Variants in KCNAB1 observed in about 807,000 individuals in gnomAD.
KCNAB1 encodes potassium voltage-gated channel subfamily A regulatory beta subunit 1.
Under a neutral mutation model 64.6 loss-of-function variants are expected in KCNAB1, and 35 were observed. That is an observed-to-expected ratio of 0.54 (90% CI 0.41 to 0.72). The LOEUF is 0.72. Among genes scored for constraint, KCNAB1 ranks in the 30% least tolerant of loss-of-function variants. The probability of loss-of-function intolerance (pLI) is 0.00; values close to 1 mark genes in which losing one functional copy is unlikely to be tolerated. For synonymous variants in KCNAB1, 177 were observed against 183.8 expected (o/e 0.96, Z 0.30); for missense variants, 401 against 512.9 (o/e 0.78, Z 2.11).
At chr3:156,270,421 T>C (rs768360184) in intron 1 of KCNAB1, among the ~76,000 whole-genome samples, 1 of 152,198 alleles carries the variant, frequency 6.6e-6, no homozygotes, top group Non-Finnish European at 1.5e-5. Context: ...TGGTATGTTT[T>C]AATTTCTTGC....
At chr3:156,271,841 G>A (rs1011334363) in intron 1 of KCNAB1, among the ~76,000 whole-genome samples, 1 of 152,176 alleles carries the variant, frequency 6.6e-6, no homozygotes, top group African/African-American at 2.4e-5. Flanking sequence ...TTCTTGGGAA[G>A]GCTTTCCAGG....
chr3:156,350,954 C>T (rs899152863), intron 1 of KCNAB1, among the ~76,000 whole-genome samples: 9 of 152,212 alleles, frequency 5.9e-5, no homozygotes, highest in East Asian at 3.8e-4. Context: ...GCTGAGACAC[C>T]GTGTGTGAAA....
chr3:156,470,664 G>A (rs1713819569), intron 7 of KCNAB1, among the ~76,000 whole-genome samples: 1 of 152,160 alleles, frequency 6.6e-6, no homozygotes, highest in Admixed American at 6.5e-5. Flanking sequence ...AAACAATTTT[G>A]TTACACAATT....
chr3:156,196,864 A>C (rs1291478330), intron 1 of KCNAB1, among the ~76,000 whole-genome samples: 1 of 152,234 alleles, frequency 6.6e-6, no homozygotes, highest in Non-Finnish European at 1.5e-5. Flanking sequence ...GAGAGAGGGC[A>C]TCCCTGACTT....
At chr3:156,489,683 C>A (rs1426945732) in intron 8 of KCNAB1, among the ~76,000 whole-genome samples, 2 of 152,016 alleles carry the variant, frequency 1.3e-5, no homozygotes, top group African/African-American at 4.8e-5. Context: ...AACACAGAGA[C>A]AAAGAAACAG....
intron 8 of KCNAB1, among the ~76,000 whole-genome samples, chr3:156,485,587 A>T (rs548704293): frequency 1.3e-5 from 2 of 151,694 alleles, no homozygotes; most frequent in African/African-American, 2.4e-5. Context: ...TGACTGTTAA[A>T]TTTTTTTATT....
At chr3:156,328,447 G>A (rs1014588053) in intron 1 of KCNAB1, among the ~76,000 whole-genome samples, 1 of 152,154 alleles carries the variant, frequency 6.6e-6, no homozygotes, top group Non-Finnish European at 1.5e-5. Flanking sequence ...ATTTCCCAAA[G>A]TGTTGTCTCA....
chr3:156,352,972 G>T (rs143264900), intron 1 of KCNAB1, among the ~76,000 whole-genome samples: 2,013 of 152,358 alleles, frequency 0.013, 15 homozygotes, highest in South Asian at 0.031. Flanking sequence ...CAGCACAGAT[G>T]CCTGGGCTCA....
intron 13 of KCNAB1, 104 bp downstream of exon 13, chr3:156,531,601 A>G (rs1718706927): frequency 2.3e-6 from 2 of 871,846 alleles, no homozygotes; most frequent in South Asian, 2.7e-5. Flanking sequence ...GGGTGGGGCA[A>G]GAGTAGGGGG....
intron 10 of KCNAB1, among the ~76,000 whole-genome samples, chr3:156,515,816 CT>C (rs145568873): frequency 0.091 from 13,798 of 152,054 alleles, 686 homozygotes; most frequent in Middle Eastern, 0.19. Flanking sequence ...AACTTTCTTC[CT>C]AAGAAACAGA....
At chr3:156,376,471 G>T (rs2108137496) in intron 1 of KCNAB1, among the ~76,000 whole-genome samples, 1 of 152,242 alleles carries the variant, frequency 6.6e-6, no homozygotes, top group South Asian at 2.1e-4. Flanking sequence ...AAAAATGAGG[G>T]CAAGGCCAAC....
chr3:156,143,264 G>C (rs1205775551), intron 1 of KCNAB1: 1 of 1,613,976 alleles, frequency 6.2e-7, no homozygotes, highest in Non-Finnish European at 8.5e-7. Context: ...CTAAAATGTA[G>C]ATGGCACCTA....
At chr3:156,264,816 C>G (rs901042950) in intron 1 of KCNAB1, among the ~76,000 whole-genome samples, 2 of 152,148 alleles carry the variant, frequency 1.3e-5, no homozygotes, top group African/African-American at 4.8e-5. Flanking sequence ...CCCTGCGAAT[C>G]TTGTTTTATA....
intron 1 of KCNAB1, among the ~76,000 whole-genome samples, chr3:156,342,098 G>C (rs1724156837): frequency 6.6e-6 from 1 of 152,156 alleles, no homozygotes; most frequent in Non-Finnish European, 1.5e-5. Flanking sequence ...ATGCCACTTG[G>C]AATGCCTGAT....
intron 1 of KCNAB1, among the ~76,000 whole-genome samples, chr3:156,295,124 A>G (rs1720694462): frequency 6.6e-6 from 1 of 152,300 alleles, no homozygotes; most frequent in East Asian, 1.9e-4. Context: ...AGATATTCCT[A>G]TGAAGTTATT....
chr3:156,194,222 T>C (rs1713743241), intron 1 of KCNAB1, among the ~76,000 whole-genome samples: 1 of 139,086 alleles, frequency 7.2e-6, no homozygotes, highest in Non-Finnish European at 1.6e-5. Context: ...CATTTGTTGT[T>C]TTTTTTTTGT....
intron 1 of KCNAB1, among the ~76,000 whole-genome samples, chr3:156,167,626 TATG>T (rs1488159290): frequency 1.3e-5 from 2 of 152,248 alleles, no homozygotes; most frequent in Admixed American, 6.5e-5. Flanking sequence ...ATGTATAAAA[TATG>T]ATGTTTATTG....
chr3:156,228,349 G>A (rs1716310904), intron 1 of KCNAB1, among the ~76,000 whole-genome samples: 1 of 152,142 alleles, frequency 6.6e-6, no homozygotes, highest in Admixed American at 6.5e-5. Flanking sequence ...CCTACCGTGT[G>A]CTTTGAACAT....
At chr3:156,143,293 C>A in intron 1 of KCNAB1, 1 of 1,613,800 alleles carries the variant, frequency 6.2e-7, no homozygotes, top group East Asian at 2.2e-5. Flanking sequence ...CAAGACTCAG[C>A]CTCAGGCGGC....
Sources: allele counts gnomAD v4.1 joint callset (sites outside exome capture counted in the v4.1 genomes callset), GRCh38; gene constraint gnomAD v4.1.1; transcripts MANE v1.5; gene names NCBI Gene and HGNC (gene_info 2026-07-23, HGNC 2026-07-21).